Variants in C4orf50 observed in about 807,000 individuals in gnomAD.
C4orf50 encodes uncharacterized protein C4orf50.
A neutral mutation model predicts 77.2 loss-of-function variants in C4orf50; 80 were observed. That is an observed-to-expected ratio of 1.04 (90% confidence interval 0.87 to 1.25). The LOEUF is 1.25. C4orf50 is among the 50% of genes most tolerant of loss of function. C4orf50 has a pLI of 0.00. For missense variants in C4orf50, 1,257 were observed against 1,152.9 expected, an observed-to-expected ratio of 1.09 and a Z score of -1.31; for synonymous variants, 532 against 465.3, an observed-to-expected ratio of 1.14 and a Z score of -1.84.
chr4:5,913,581 G>C (rs937238629), intron 7 of C4orf50, among the ~76,000 whole-genome samples: 3 of 152,164 alleles, frequency 2.0e-5, no homozygotes, highest in African/African-American at 4.8e-5. Context: ...AGATTCATTA[G>C]AGCCATTTCA....
At chr4:5,989,289 G>C (rs1311298609) in exon 28 of C4orf50, 1 of 1,536,004 alleles carries the variant, frequency 6.5e-7, no homozygotes, top group South Asian at 1.2e-5. Context: ...TCACTCTCTC[G>C]AGGGCACCCC....
rs73212657 is a variant in C4orf50, at chr4:5,992,438, G to T, written c.1221+365C>A. On this transcript the variant is annotated intron_variant, in intron 27 of 33. Transcript: ENST00000531445. The surrounding 1 kb of genome is among the most constrained non-coding windows in gnomAD (Gnocchi z 5.0). ...GTGGGCCGTCGAGCCTGGATCTCGG[G>T]GTCCACCTCCAAGCTGGGGACCTTG... Among the ~76,000 whole-genome samples, 10,360 of 151,970 alleles carry T rather than the reference G, an allele frequency of 0.068. 382 individuals are homozygous for T. The highest frequency in any genetic ancestry group is 0.092 in the Middle Eastern group (27 of 294).
At chr4:5,973,538 G>T in intron 31 of C4orf50, 121 bp downstream of exon 9, 1 of 839,612 alleles carries the variant, frequency 1.2e-6, no homozygotes, top group Non-Finnish European at 1.9e-6. Context: ...GTCTTCTTGG[G>T]TAGTGTCCGC....
At chr4:6,003,666 T>G (rs1299548344) in intron 25 of C4orf50, among the ~76,000 whole-genome samples, 1 of 140,990 alleles carries the variant, frequency 7.1e-6, no homozygotes, top group Non-Finnish European at 1.6e-5. Flanking sequence ...GTGATGATGG[T>G]GATGGTGATG....
intron 32 of C4orf50, among the ~76,000 whole-genome samples, chr4:5,966,423 C>T (rs369498758): frequency 1.3e-4 from 19 of 151,010 alleles, no homozygotes; most frequent in African/African-American, 3.9e-4. Context: ...TGCAGTGAGC[C>T]GAGATCACAC....
exon 28 of C4orf50, chr4:5,988,599 C>A: frequency 2.6e-6 from 4 of 1,536,270 alleles, no homozygotes; most frequent in East Asian, 2.4e-5. Context: ...CCAAGGGTGG[C>A]CCACAGGCTC....
chr4:5,978,124 C>T (rs1720387391), intron 29 of C4orf50, among the ~76,000 whole-genome samples: 1 of 152,196 alleles, frequency 6.6e-6, no homozygotes, highest in Non-Finnish European at 1.5e-5. Flanking sequence ...GAGAGACAAT[C>T]TCCCACTAAC....
In C4orf50 at chr4:5,986,540, T is replaced by C. The variant is rs1425742918; in HGVS notation, c.3699+1807A>G. On this transcript the variant is annotated intron_variant, in intron 28 of 33. Coordinates refer to ENST00000531445, the Ensembl canonical transcript of C4orf50. ...ACAGGGCTAGCTATAACAACGTCAT[T>C]TTTTTTTTTTTTTTTTGAGACAGAG... Among the ~76,000 whole-genome samples, 3 of 30,568 alleles carry C rather than the reference T, an allele frequency of 9.8e-5. No individual in the cohort carries two copies. The South Asian group carries it at 3.1e-3, about 31-fold the overall frequency. The allele number at this position is 30,568 out of a possible 152,430, so 20.1% of individuals were successfully genotyped here. A position where few individuals can be genotyped will look rare whatever the true frequency, so the allele number is the denominator to read the frequency against.
intron 7 of C4orf50, among the ~76,000 whole-genome samples, chr4:5,920,770 C>T (rs1228142870): frequency 2.0e-5 from 3 of 152,320 alleles, no homozygotes; most frequent in East Asian, 3.9e-4. Flanking sequence ...GCCACAGCAC[C>T]TGGCCAAATA....
chr4:5,914,782 A>G (rs898612918), intron 7 of C4orf50, among the ~76,000 whole-genome samples: 1 of 152,220 alleles, frequency 6.6e-6, no homozygotes, highest in African/African-American at 2.4e-5. Flanking sequence ...AATAACCTTG[A>G]GCTTGTTTTA....
intron 7 of C4orf50, among the ~76,000 whole-genome samples, chr4:5,915,968 T>C (rs952727070): frequency 1.7e-4 from 26 of 152,314 alleles, no homozygotes; most frequent in African/African-American, 5.5e-4. Context: ...AGGTTTTGTA[T>C]CTGCAGGCAC....
chr4:5,996,868 G>A (rs1046207645), intron 25 of C4orf50, among the ~76,000 whole-genome samples: 9 of 152,218 alleles, frequency 5.9e-5, no homozygotes, highest in Admixed American at 2.0e-4. Flanking sequence ...GCTGTCCCAC[G>A]TTCTCACGGT....
rs770941735 is a variant in C4orf50 at position 5,988,318 on chromosome 4, G to C, written c.3699+29C>G. The C allele has an allele frequency of 7.5e-6, 12 of 1,604,866 alleles. No individual in the cohort carries two copies. In the Admixed American group the frequency reaches 2.0e-4, roughly 27 times the overall value. The stretch of plus-strand genomic sequence containing the variant: ...CCCCCGGAACAGAGTCATGCGTGAT[G>C]AGTAAGCAGATATGCAGACCCAACC... On this transcript the variant is annotated intron_variant, in intron 28 of 33. Transcript: ENST00000531445.
At position 5,965,016 on chromosome 4, in the gene C4orf50, C is replaced by T. The variant is rs758407919; in HGVS notation, c.4275+8G>A. On this transcript the variant is annotated splice_region_variant and intron_variant, in intron 33 of 33. Transcript: ENST00000531445. The stretch of plus-strand genomic sequence containing the variant: ...ATTTAGGAAATGAGGTGACAGGTGC[C>T]TTCTCACCTTCAGAGAATCCAGTTG... The T allele has an allele frequency of 3.1e-5, 50 of 1,609,578 alleles. No individual in the cohort carries two copies. The highest frequency in any genetic ancestry group is 4.1e-5 in the Non-Finnish European group (48 of 1,178,102).
chr4:5,997,215 G>A (rs1721632685), intron 25 of C4orf50, among the ~76,000 whole-genome samples: 1 of 152,180 alleles, frequency 6.6e-6, no homozygotes, highest in Non-Finnish European at 1.5e-5. Flanking sequence ...GTTACTGGTG[G>A]TATATTTTTT....
downstream of C4orf50, among the ~76,000 whole-genome samples, chr4:5,953,155 C>T (rs552269180): frequency 1.1e-4 from 17 of 152,144 alleles, no homozygotes; most frequent in Non-Finnish European, 1.9e-4. Flanking sequence ...CTGATGTTCA[C>T]GCGACTTACT....
exon 31 of C4orf50, chr4:5,973,713 G>C: frequency 1.9e-6 from 3 of 1,613,980 alleles, no homozygotes; most frequent in Non-Finnish European, 2.5e-6. Flanking sequence ...GTGCCACGTC[G>C]TTGAGCATGT....
chr4:5,984,466 G>T (rs1720756559), intron 28 of C4orf50, among the ~76,000 whole-genome samples: 1 of 152,112 alleles, frequency 6.6e-6, no homozygotes. Flanking sequence ...TTAAAACATA[G>T]GAAAAATAAA....
intron 7 of C4orf50, chr4:5,923,449 C>T (rs1577891848): frequency 1.3e-5 from 2 of 153,400 alleles, no homozygotes; most frequent in Non-Finnish European, 2.9e-5. Flanking sequence ...AGGGAGGAGG[C>T]TTTTGTGGCG....
Sources: allele counts gnomAD v4.1 joint callset (sites outside exome capture counted in the v4.1 genomes callset), GRCh38; gene constraint gnomAD v4.1.1; non-coding constraint Gnocchi (gnomAD v3.1); transcripts MANE v1.5; gene names NCBI Gene and HGNC (gene_info 2026-07-23, HGNC 2026-07-21).